ELP4: variants seen among roughly 807,000 people sequenced by gnomAD.
The protein encoded by ELP4 is elongator acetyltransferase complex subunit 4.
ELP4 carries 51 observed loss-of-function variants against 48.9 expected under a neutral mutation model. That is an observed-to-expected ratio of 1.04 (90% CI 0.83 to 1.32). The LOEUF (loss-of-function observed/expected upper bound fraction) is 1.32. ELP4 is among the 40% of genes most tolerant of loss of function. The probability of loss-of-function intolerance (pLI) is 0.00; values close to 1 mark genes in which losing one functional copy is unlikely to be tolerated. For synonymous variants in ELP4, 210 were observed against 189.2 expected (o/e 1.11, Z -0.90); for missense variants, 519 against 514.6 (o/e 1.01, Z -0.08).
At chr11:31,697,517 C>T (rs1017864335) in intron 9 of ELP4, among the ~76,000 whole-genome samples, 17 of 152,022 alleles carry the variant, frequency 1.1e-4, no homozygotes, top group African/African-American at 4.1e-4. Flanking sequence ...AAACGGGCCA[C>T]CTCCTTCATT....
intron 3 of ELP4, among the ~76,000 whole-genome samples, chr11:31,550,500 A>T (rs571101673): frequency 1.3e-5 from 2 of 152,314 alleles, no homozygotes; most frequent in Admixed American, 6.5e-5. Flanking sequence ...CATTCAGTCC[A>T]TTCTTAAAGA....
chr11:31,775,232 G>A (rs1948220958), intron 9 of ELP4, among the ~76,000 whole-genome samples: 2 of 152,128 alleles, frequency 1.3e-5, no homozygotes, highest in Admixed American at 1.3e-4. Context: ...TTAAACTTAG[G>A]ATCAGGGCTC....
chr11:31,778,823 T>A (rs758186615), intron 9 of ELP4, among the ~76,000 whole-genome samples: 20 of 152,280 alleles, frequency 1.3e-4, no homozygotes, highest in Non-Finnish European at 2.2e-4. Context: ...TGTTCTAAGG[T>A]ATTTATAAGT....
At chr11:31,531,413 G>T (rs1956393701) in intron 2 of ELP4, among the ~76,000 whole-genome samples, 1 of 152,172 alleles carries the variant, frequency 6.6e-6, no homozygotes, top group Non-Finnish European at 1.5e-5. Context: ...TTTCAGGAAT[G>T]TTTATTAAAT....
intron 3 of ELP4, among the ~76,000 whole-genome samples, chr11:31,551,232 G>A (rs77117508): frequency 0.034 from 5,118 of 152,144 alleles, 98 homozygotes; most frequent in Non-Finnish European, 0.048. Context: ...CTTTAATTAG[G>A]GCATGAACAA....
chr11:31,581,131 G>C (rs1041820107), intron 3 of ELP4, among the ~76,000 whole-genome samples: 1 of 152,098 alleles, frequency 6.6e-6, no homozygotes, highest in Non-Finnish European at 1.5e-5. Context: ...TTAAATGTAT[G>C]TAAGTGTGAA....
At chr11:31,733,266 A>G (rs1947234689) in intron 9 of ELP4, among the ~76,000 whole-genome samples, 1 of 152,112 alleles carries the variant, frequency 6.6e-6, no homozygotes, top group East Asian at 1.9e-4. Context: ...ACTTGAGGTC[A>G]GGAGTTCAAG....
chr11:31,614,144 A>G (rs1175872298), intron 5 of ELP4, among the ~76,000 whole-genome samples: 1 of 152,210 alleles, frequency 6.6e-6, no homozygotes, highest in Non-Finnish European at 1.5e-5. Flanking sequence ...AGAGATAAAT[A>G]TAATAAATGA....
In ELP4 at chr11:31,787,826, C is replaced by G. The variant is rs977919297; in HGVS notation, c.*4302C>G. ...CACAAGTAATTCCTTAACTAAAAAA[C>G]AGTAGATATTGAACGAGAAGGTCAT... On this transcript the variant is annotated 3_prime_UTR_variant, in exon 10 of 10. Coordinates refer to ENST00000640961, the MANE Select transcript of ELP4 (RefSeq NM_019040.5). 4 of 225,100 alleles carry G rather than the reference C, an allele frequency of 1.8e-5. No homozygotes were observed. Among genetic ancestry groups the G allele is most frequent in the Non-Finnish European group, 3.5e-5 (4 of 113,056 alleles). 13.9% of individuals were successfully genotyped at this position (225,100 alleles called of 1,614,324 possible).
At chr11:31,582,732 G>C (rs1055355264) in intron 3 of ELP4, among the ~76,000 whole-genome samples, 28 of 152,258 alleles carry the variant, frequency 1.8e-4, no homozygotes, top group African/African-American at 6.0e-4. Flanking sequence ...TAGGTTTACT[G>C]TGAGCTTATG....
At chr11:31,740,357 G>A (rs990961139) in intron 9 of ELP4, among the ~76,000 whole-genome samples, 29 of 152,292 alleles carry the variant, frequency 1.9e-4, no homozygotes, top group Admixed American at 1.4e-3. Flanking sequence ...GTACACATTG[G>A]CATCATTTAA....
chr11:31,573,372 G>A (rs995958476), intron 3 of ELP4, among the ~76,000 whole-genome samples: 7 of 152,068 alleles, frequency 4.6e-5, no homozygotes, highest in South Asian at 4.2e-4. Context: ...CCTACTTCTC[G>A]GTATCAAAAT....
intron 9 of ELP4, among the ~76,000 whole-genome samples, chr11:31,718,941 A>G (rs892867374): frequency 1.3e-5 from 2 of 152,198 alleles, no homozygotes; most frequent in African/African-American, 4.8e-5. Context: ...AGTATATGCA[A>G]TGGGTGATGC....
intron 7 of ELP4, 62 bp downstream of exon 7, chr11:31,632,467 T>G: frequency 7.5e-7 from 1 of 1,335,386 alleles, no homozygotes; most frequent in East Asian, 2.4e-5. Flanking sequence ...CATTGTGGTT[T>G]TAGTTTGCAT....
chr11:31,785,903 A>G lies in ELP4; in HGVS notation c.*2379A>G, dbSNP rs896672442. The G allele has an allele frequency of 2.0e-5, 4 of 195,982 alleles. No homozygotes were observed. The highest frequency in any genetic ancestry group is 9.2e-5 in the African/African-American group (4 of 43,270). The allele number at this position is 195,982 out of a possible 1,614,324, so 12.1% of individuals were successfully genotyped here. A position where few individuals can be genotyped will look rare whatever the true frequency, so the allele number is the denominator to read the frequency against. ...TCAAAGATATAAATACTTAAGAACA[A>G]TGCCAAACGTAATATCTGAAATGAT... On this transcript the variant is annotated 3_prime_UTR_variant, in exon 10 of 10. Coordinates refer to ENST00000640961, the MANE Select transcript of ELP4 (RefSeq NM_019040.5).
chr11:31,554,273 A>G (rs901383220), intron 3 of ELP4, among the ~76,000 whole-genome samples: 3 of 152,222 alleles, frequency 2.0e-5, no homozygotes, highest in African/African-American at 7.2e-5. Context: ...ACTGTCTTCC[A>G]TAAACCAGAC....
chr11:31,680,119 C>T (rs905695544), intron 9 of ELP4, among the ~76,000 whole-genome samples: 5 of 152,056 alleles, frequency 3.3e-5, no homozygotes, highest in Non-Finnish European at 7.4e-5. Context: ...TCCCTGTGAC[C>T]CCAATTATCT....
chr11:31,585,436 A>T (rs561485646), intron 3 of ELP4, among the ~76,000 whole-genome samples: 3 of 135,198 alleles, frequency 2.2e-5, no homozygotes, highest in Non-Finnish European at 3.2e-5. Flanking sequence ...GGGTATTATT[A>T]AAAAAAAAAA....
In ELP4 at chr11:31,598,697, G is replaced by T. The variant is rs145731773; in HGVS notation, c.513+3796G>T. Among the ~76,000 whole-genome samples the T allele has an allele frequency of 2.8e-3, 430 of 151,570 alleles. 1 individual carries two copies. Among genetic ancestry groups the T allele is most frequent in the African/African-American group, 9.9e-3 (411 of 41,318 alleles). ...ATTGTTTAATATTTTTGTAGAGATA[G>T]GGTCTCACTATGTTGCCCAGGCTGG... On this transcript the variant is annotated intron_variant, in intron 4 of 9. Coordinates refer to ENST00000640961, the MANE Select transcript of ELP4 (RefSeq NM_019040.5).
Sources: allele counts gnomAD v4.1 joint callset (sites outside exome capture counted in the v4.1 genomes callset), GRCh38; gene constraint gnomAD v4.1.1; transcripts MANE v1.5; gene names NCBI Gene and HGNC (gene_info 2026-07-23, HGNC 2026-07-21).